The following ZNF124 variants were observed in gnomAD, a reference collection of about 807,000 sequenced individuals.
ZNF124 encodes zinc finger protein 124, also known as zinc finger protein HZF-16.
A neutral mutation model predicts 26.6 loss-of-function variants in ZNF124; 25 were observed. The observed-to-expected ratio is 0.94, with a 90% CI of 0.68 to 1.31. The LOEUF is 1.31. Among genes scored for constraint, ZNF124 ranks in the 40% most tolerant of loss-of-function variants. The pLI, the probability that ZNF124 is intolerant of heterozygous loss-of-function variation, is 0.00. For missense variants in ZNF124, 444 were observed against 422.2 expected, an observed-to-expected ratio of 1.05 and a Z score of -0.45; for synonymous variants, 129 against 133.3, an observed-to-expected ratio of 0.97 and a Z score of 0.22.
chr1:247,144,257 A>G (rs1672704488), intron 3 of ZNF124, among the ~76,000 whole-genome samples: 1 of 152,174 alleles, frequency 6.6e-6, no homozygotes, highest in African/African-American at 2.4e-5. Context: ...CTCATTCAGC[A>G]CCAAGAATTT....
rs994211901 is a variant in ZNF124 at position 247,156,213 on chromosome 1, G to A, written c.*353C>T. ...TATGTGTTACCATGTGTCTCTGAGT[G>A]AGTTATAGGATAAATGAAGGCATTC... is the stretch of plus-strand genomic sequence containing the variant. On this transcript the variant is annotated 3_prime_UTR_variant, in exon 4 of 4. Transcript: ENST00000543802. The A allele has an allele frequency of 7.0e-6, 7 of 1,006,684 alleles. No homozygotes were observed. In the African/African-American group the frequency reaches 1.0e-4, roughly 15 times the overall value. 62.4% of individuals were successfully genotyped at this position (1,006,684 alleles called of 1,614,324 possible).
chr1:247,132,825 T>G (rs550371075), intron 3 of ZNF124, among the ~76,000 whole-genome samples: 8 of 152,024 alleles, frequency 5.3e-5, no homozygotes, highest in Non-Finnish European at 1.0e-4. Flanking sequence ...TACCCCCTGC[T>G]TGCTCAATCA....
chr1:247,143,799 A>T (rs1672690176), intron 3 of ZNF124, among the ~76,000 whole-genome samples: 1 of 152,250 alleles, frequency 6.6e-6, no homozygotes, highest in Non-Finnish European at 1.5e-5. Flanking sequence ...GCACTAGCTC[A>T]CAGAAGTAGA....
chr1:247,169,321 C>T (rs1027499122), intron 1 of ZNF124, among the ~76,000 whole-genome samples: 96 of 152,212 alleles, frequency 6.3e-4, no homozygotes, highest in Non-Finnish European at 1.3e-3. Flanking sequence ...GACCAACCTC[C>T]CAGCGCAATG....
chr1:247,144,111 C>G (rs1672700716), intron 3 of ZNF124, among the ~76,000 whole-genome samples: 1 of 152,198 alleles, frequency 6.6e-6, no homozygotes, highest in South Asian at 2.1e-4. Context: ...TTCTTTGGCC[C>G]TCACTAAGGG....
rs998192579 is a variant in ZNF124, at chr1:247,156,088, T to C, written c.*478A>G. ...ACAGGATTTATTTCCAGTGGGAGTT[T>C]TCACATGACCTTTAAAGTAATTGTT... On this transcript the variant is annotated 3_prime_UTR_variant, in exon 4 of 4. Coordinates refer to ENST00000543802, the MANE Select transcript of ZNF124 (RefSeq NM_001297568.2). The C allele has an allele frequency of 2.0e-6, 2 of 980,846 alleles. No homozygotes were observed. Among genetic ancestry groups the C allele is most frequent in the African/African-American group, 3.5e-5 (2 of 57,174 alleles). 60.8% of individuals were successfully genotyped at this position (980,846 alleles called of 1,614,324 possible). A position where few individuals can be genotyped will look rare whatever the true frequency, so the allele number is the denominator to read the frequency against.
At chr1:247,166,096 T>C (rs1673764867) in intron 1 of ZNF124, among the ~76,000 whole-genome samples, 1 of 152,180 alleles carries the variant, frequency 6.6e-6, no homozygotes, top group Admixed American at 6.5e-5. Context: ...GGATGACTGC[T>C]TGAGCCCAGG....
chr1:247,144,965 G>A (rs933031069), intron 3 of ZNF124, among the ~76,000 whole-genome samples: 7 of 151,902 alleles, frequency 4.6e-5, no homozygotes, highest in Admixed American at 2.6e-4. Flanking sequence ...TAGTAGAACC[G>A]GGGTTTCACC....
At position 247,156,041 on chromosome 1, in the gene ZNF124, G is replaced by A. The variant is rs1304315329; in HGVS notation, c.*525C>T. ...TTGTACTATAATTATTTTCCATAAG[G>A]TTTTCCATAATATTTACATTTACAG... On this transcript the variant is annotated 3_prime_UTR_variant, in exon 4 of 4. Coordinates refer to ENST00000543802, the MANE Select transcript of ZNF124 (RefSeq NM_001297568.2). 5.2e-6 allele frequency: 5 copies of A among 964,592 alleles called. No individual in the cohort carries two copies. The highest frequency in any genetic ancestry group is 6.2e-6 in the Non-Finnish European group (5 of 811,328). 59.8% of individuals were successfully genotyped at this position (964,592 alleles called of 1,614,324 possible). A position where few individuals can be genotyped will look rare whatever the true frequency, so the allele number is the denominator to read the frequency against.
At chr1:247,136,171 C>A (rs1001951245) in intron 3 of ZNF124, among the ~76,000 whole-genome samples, 1 of 152,012 alleles carries the variant, frequency 6.6e-6, no homozygotes, top group Non-Finnish European at 1.5e-5. Flanking sequence ...GACAATCAGG[C>A]AAGAGAAATA....
At position 247,156,797 on chromosome 1, in the gene ZNF124, A is replaced by G. The variant is rs202072524; in HGVS notation, c.825T>C (p.Ser275=). 4.3e-6 allele frequency: 7 copies of G among 1,613,860 alleles called. No homozygotes were observed. The highest frequency in any genetic ancestry group is 5.1e-6 in the Non-Finnish European group (6 of 1,179,954). The change falls in exon 4 of 4, where the codon AGT becomes AGC. Residue 275 remains serine (S), a synonymous_variant. Transcript: ENST00000543802. ...KQCGKAFRYA[S]SLQKHEKTHI... ...GAGTTTTCTCGTGTTTCTGAAGGGA[A>G]CTGGCGTATCTGAAGGCTTTCCCAC...
chr1:247,165,334 G>T (rs978575927), intron 1 of ZNF124, among the ~76,000 whole-genome samples: 34 of 152,116 alleles, frequency 2.2e-4, no homozygotes, highest in African/African-American at 8.2e-4. Flanking sequence ...TCGATAAATG[G>T]TGCTAGGATT....
chr1:247,150,507 T>A (rs1049204173), downstream of ZNF124, among the ~76,000 whole-genome samples: 3 of 151,714 alleles, frequency 2.0e-5, no homozygotes, highest in South Asian at 2.1e-4. Flanking sequence ...TGGAAAAAAA[T>A]AAAATTACTA....
intron 1 of ZNF124, among the ~76,000 whole-genome samples, chr1:247,166,783 G>A (rs759388178): frequency 3.3e-5 from 5 of 152,068 alleles, no homozygotes; most frequent in African/African-American, 4.8e-5. Flanking sequence ...CCCTAAATTG[G>A]ACAGACACTA....
At chr1:247,147,048 A>T (rs1425885515) in intron 3 of ZNF124, among the ~76,000 whole-genome samples, 3 of 152,114 alleles carry the variant, frequency 2.0e-5, no homozygotes, top group Non-Finnish European at 4.4e-5. Context: ...GTGGAAATTC[A>T]GGCTATGATG....
At chr1:247,135,702 C>T (rs1219335271) in intron 3 of ZNF124, among the ~76,000 whole-genome samples, 1 of 152,088 alleles carries the variant, frequency 6.6e-6, no homozygotes, top group African/African-American at 2.4e-5. Context: ...ATCCTGATAC[C>T]AAAACCTGGC....
intron 3 of ZNF124, among the ~76,000 whole-genome samples, chr1:247,148,282 C>T (rs966011054): frequency 9.2e-5 from 14 of 152,174 alleles, no homozygotes; most frequent in African/African-American, 3.1e-4. Context: ...GCTACTTGTT[C>T]CAGGAAGCCT....
At chr1:247,135,765 A>G (rs188177771) in intron 3 of ZNF124, among the ~76,000 whole-genome samples, 38 of 152,342 alleles carry the variant, frequency 2.5e-4, no homozygotes, top group Admixed American at 2.2e-3. Flanking sequence ...ATGAACGTCA[A>G]TGCAAAAATC....
chr1:247,166,057 T>C (rs1421836191), intron 1 of ZNF124, among the ~76,000 whole-genome samples: 1 of 152,158 alleles, frequency 6.6e-6, no homozygotes, highest in Non-Finnish European at 1.5e-5. Context: ...CACATGCCCA[T>C]AGTCCCAGCT....
Sources: gnomAD v4.1 joint callset for allele counts (sites outside exome capture counted in the v4.1 genomes callset) on GRCh38, gnomAD v4.1.1 for gene constraint, MANE v1.5 for transcripts, NCBI Gene and HGNC (gene_info 2026-07-23, HGNC 2026-07-21) for gene names.